The following MYT1L variants were observed in gnomAD, a reference collection of about 807,000 sequenced individuals.
MYT1L encodes the protein myelin transcription factor 1-like protein.
Under a neutral mutation model 126.7 loss-of-function variants are expected in MYT1L, and 12 were observed. That is an observed-to-expected ratio of 0.09 (90% CI 0.06 to 0.15). MYT1L has a LOEUF of 0.15. Among genes scored for constraint, MYT1L ranks in the 10% least tolerant of loss-of-function variants. MYT1L has a pLI of 1.00. For synonymous variants in MYT1L, 541 were observed against 604.2 expected (o/e 0.90, Z 1.53); for missense variants, 979 against 1,585.2 (o/e 0.62, Z 6.49).
Position 2,297,387 on chromosome 2 carries a change from C to T in MYT1L, c.-520-12884G>A, listed in dbSNP as rs543094044. 1.4e-4 allele frequency among the ~76,000 whole-genome samples: 21 copies of T among 152,312 alleles called. No individual in the cohort carries two copies. The South Asian group carries it at 3.1e-3, about 23-fold the overall frequency. ...GGTGGATGGGACACCTGCACAGGGG[C>T]GTAAGCCAGGCCCATCCCAGGCCCA... On this transcript the variant is annotated intron_variant, in intron 1 of 24. Transcript: ENST00000647738.
chr2:1,964,206 A>C (rs1416515700), intron 8 of MYT1L, among the ~76,000 whole-genome samples: 1 of 152,204 alleles, frequency 6.6e-6, no homozygotes, highest in African/African-American at 2.4e-5. Flanking sequence ...GAGCAGTTGG[A>C]ACACACAGCA....
rs921285220 is a variant in MYT1L, at chr2:1,892,259, G to A, written c.2061C>T (p.Pro687=). ...CGTAGCTGCTGGTGCTGCTGCTGCTGGGGCTGGGGTCCTTGCAGTACCGCT... is the reference window on the plus strand; with the variant it reads ...CGTAGCTGCTGGTGCTGCTGCTGCTAGGGCTGGGGTCCTTGCAGTACCGCT... ...DAKRYCKDPS[P]SSSSTSSYAP... is the part of the protein sequence containing the mutation. Residue 687 remains proline, a synonymous_variant, in exon 15 of 25, where the codon CCC becomes CCT. Transcript: ENST00000647738. 79 of 1,549,382 alleles carry A rather than the reference G, an allele frequency of 5.1e-5. No homozygotes were observed. The Admixed American group carries it at 1.2e-3, about 24-fold the overall frequency.
chr2:1,955,260 G>A (rs1222102257), intron 8 of MYT1L, among the ~76,000 whole-genome samples: 1 of 151,878 alleles, frequency 6.6e-6, no homozygotes, highest in African/African-American at 2.4e-5. Context: ...TCAGGACAGA[G>A]GACTTTGTCT....
At position 1,793,156 on chromosome 2, in the gene MYT1L, T is replaced by A. The variant is rs1283603286; in HGVS notation, c.3277-692A>T. Among the ~76,000 whole-genome samples, 1 of 152,216 alleles carries A rather than the reference T, an allele frequency of 6.6e-6. No individual in the cohort carries two copies. The highest frequency in any genetic ancestry group is 1.5e-5 in the Non-Finnish European group (1 of 68,038). On this transcript the variant is annotated intron_variant, in intron 23 of 24. Transcript: ENST00000647738. This position sits in a 1 kb window ranked among gnomAD's most constrained non-coding sequence, Gnocchi z 4.6. ...ACTGTGTCTTCAGATGGCACCAGGCTGGCACTGTGCCCACAGGGTGGTCTT... is the reference window on the plus strand; with the variant it reads ...ACTGTGTCTTCAGATGGCACCAGGCAGGCACTGTGCCCACAGGGTGGTCTT...
intron 1 of MYT1L, among the ~76,000 whole-genome samples, chr2:2,295,603 GACAGAC>G (rs1559583894): frequency 3.3e-3 from 252 of 76,120 alleles, no homozygotes; most frequent in African/African-American, 8.8e-3. Context: ...CAGAGAGAGA[GACAGAC>G]AGAGAGAGAG....
chr2:2,174,252 G>A (rs2090450642), intron 2 of MYT1L, among the ~76,000 whole-genome samples: 1 of 151,598 alleles, frequency 6.6e-6, no homozygotes, highest in African/African-American at 2.4e-5. Flanking sequence ...TATAATTTGG[G>A]GTTTTATTTA....
rs2051800301 is a variant in MYT1L at position 1,910,459 on chromosome 2, A to G, written c.1710-112T>C. 2.1e-6 allele frequency: 2 copies of G among 958,592 alleles called. No homozygotes were observed. The highest frequency in any genetic ancestry group is 2.0e-5 in the Admixed American group (1 of 49,214). The allele number at this position is 958,592 out of a possible 1,614,324, so 59.4% of individuals were successfully genotyped here. A position where few individuals can be genotyped will look rare whatever the true frequency, so the allele number is the denominator to read the frequency against. On this transcript the variant is annotated intron_variant, in intron 12 of 24. Coordinates refer to ENST00000647738, the MANE Select transcript of MYT1L (RefSeq NM_001303052.2). This position sits in a 1 kb window ranked among gnomAD's most constrained non-coding sequence, Gnocchi z 4.8. ...CAGGTGGAGCTGGTGAGGGAGGGGT[A>G]GTTTCCCAAACCTGGCACAGGCAGT...
intron 8 of MYT1L, among the ~76,000 whole-genome samples, chr2:1,957,306 G>A (rs555135170): frequency 6.6e-6 from 1 of 152,124 alleles, no homozygotes; most frequent in African/African-American, 2.4e-5. Context: ...GGTATGAGTG[G>A]TTTTGGTTAC....
chr2:1,890,345 T>C (rs1317218337), intron 15 of MYT1L, among the ~76,000 whole-genome samples: 1 of 152,158 alleles, frequency 6.6e-6, no homozygotes, highest in African/African-American at 2.4e-5. Context: ...AGTGCTGAGA[T>C]TACAGGTGTG....
intron 8 of MYT1L, among the ~76,000 whole-genome samples, chr2:1,961,673 T>C (rs1322245366): frequency 1.3e-5 from 2 of 152,228 alleles, no homozygotes; most frequent in African/African-American, 2.4e-5. Context: ...TAAATGTCTA[T>C]GATTTTAAAA....
At chr2:2,146,922 G>T (rs768502134) in intron 3 of MYT1L, among the ~76,000 whole-genome samples, 3 of 152,114 alleles carry the variant, frequency 2.0e-5, no homozygotes, top group Non-Finnish European at 4.4e-5. Context: ...TTGTCCATTT[G>T]TTCCACAGAG....
At chr2:2,195,103 C>G (rs574557714) in intron 2 of MYT1L, among the ~76,000 whole-genome samples, 116 of 152,330 alleles carry the variant, frequency 7.6e-4, no homozygotes, top group Middle Eastern at 3.4e-3. Flanking sequence ...ATGATGTGCA[C>G]AGTCAACATT....
chr2:2,253,035 A>C (rs927459664), intron 2 of MYT1L, among the ~76,000 whole-genome samples: 1 of 152,132 alleles, frequency 6.6e-6, no homozygotes, highest in Non-Finnish European at 1.5e-5. Flanking sequence ...TTAAGGTCTT[A>C]GGCAAGTTTT....
chr2:2,004,504 TTC>T, intron 4 of MYT1L, among the ~76,000 whole-genome samples: 1 of 147,904 alleles, frequency 6.8e-6, no homozygotes, highest in Admixed American at 6.7e-5. Flanking sequence ...CAGGCATTCT[TTC>T]CTGCAGGCAT....
chr2:1,792,031 C>G, intron 24 of MYT1L, 24 bp from the exon 25 acceptor site: 1 of 1,502,862 alleles, frequency 6.7e-7, no homozygotes, highest in Non-Finnish European at 9.0e-7. Flanking sequence ...AATAGTAGTT[C>G]ATATACAACT....
intron 9 of MYT1L, among the ~76,000 whole-genome samples, chr2:1,940,119 C>T (rs764831420): frequency 6.6e-6 from 1 of 152,242 alleles, no homozygotes; most frequent in Non-Finnish European, 1.5e-5. Context: ...TGGAGTATCA[C>T]GCTCTACTGC....
At position 1,809,059 on chromosome 2, in the gene MYT1L, G is replaced by T; in HGVS notation, c.3172+17C>A. 9 of 1,612,958 alleles carry T rather than the reference G, an allele frequency of 5.6e-6. No individual in the cohort carries two copies. Among genetic ancestry groups the T allele is most frequent in the Non-Finnish European group, 7.6e-6 (9 of 1,179,182 alleles). ...CTTCCTGACCATGGGTGCCACGAGG[G>T]CTGGAGGGGTGCTCACCGTTGCTGG... On this transcript the variant is annotated intron_variant, in intron 22 of 24. Transcript: ENST00000647738.
chr2:1,984,201 G>A (rs2060829104), intron 5 of MYT1L, among the ~76,000 whole-genome samples: 1 of 152,086 alleles, frequency 6.6e-6, no homozygotes, highest in South Asian at 2.1e-4. Flanking sequence ...GAGCCTCAGT[G>A]AAGAGATTAT....
In MYT1L at chr2:2,264,715, C is replaced by T. The variant is rs575208755; in HGVS notation, c.-421+19689G>A. On this transcript the variant is annotated intron_variant, in intron 2 of 24. Transcript: ENST00000647738. ...GCATGCTGTGAAACTAAGACTTGAA[C>T]GTCAGTGGAAGGTCAGTGCTGAAGC... Among the ~76,000 whole-genome samples the T allele has an allele frequency of 5.3e-5, 8 of 152,208 alleles. No individual in the cohort carries two copies. The East Asian group carries it at 7.8e-4, about 15-fold the overall frequency.
Sources: gnomAD v4.1 joint callset for allele counts (sites outside exome capture counted in the v4.1 genomes callset) on GRCh38, gnomAD v4.1.1 for gene constraint, Gnocchi (gnomAD v3.1) non-coding constraint, MANE v1.5 for transcripts, NCBI Gene and HGNC (gene_info 2026-07-23, HGNC 2026-07-21) for gene names.